The following DNAH9 variants were observed in gnomAD, a reference collection of about 807,000 sequenced individuals.
DNAH9 encodes dynein axonemal heavy chain 9, also known as DNAH9 variant protein.
In DNAH9, 345 loss-of-function variants were observed where a neutral mutation model predicts 471.6. The observed-to-expected ratio is 0.73, with a 90% CI of 0.67 to 0.80. The LOEUF is 0.80. Among genes scored for constraint, DNAH9 ranks in the 30% least tolerant of loss-of-function variants. The pLI is 0.00. For synonymous variants in DNAH9, 2,093 were observed against 2,123.6 expected, an observed-to-expected ratio of 0.99 and a Z score of 0.40; for missense variants, 5,407 against 5,609.2, an observed-to-expected ratio of 0.96 and a Z score of 1.15.
chr17:11,750,735 T>A (rs1468292469), intron 32 of DNAH9, among the ~76,000 whole-genome samples: 1 of 152,156 alleles, frequency 6.6e-6, no homozygotes, highest in Non-Finnish European at 1.5e-5. Context: ...AAAAAATACT[T>A]CATACAAGAA....
intron 38 of DNAH9, among the ~76,000 whole-genome samples, chr17:11,772,175 TTTAA>T (rs1968232968): frequency 6.6e-6 from 1 of 152,026 alleles, no homozygotes; most frequent in Admixed American, 6.6e-5. Context: ...TGTTTTTGTA[TTTAA>T]TTGATTTTCT....
At chr17:11,725,976 A>G (rs187296029) in intron 27 of DNAH9, among the ~76,000 whole-genome samples, 13 of 152,262 alleles carry the variant, frequency 8.5e-5, no homozygotes, top group African/African-American at 3.1e-4. Context: ...TCTGCTGCAA[A>G]CCTCCAAAGA....
rs1973072452 is a variant in DNAH9 at position 11,892,130 on chromosome 17, A to G, written c.11283+183A>G. Among the ~76,000 whole-genome samples, 1 of 152,166 alleles carries G rather than the reference A, an allele frequency of 6.6e-6. No individual in the cohort carries two copies. Among genetic ancestry groups the G allele is most frequent in the Admixed American group, 6.5e-5 (1 of 15,278 alleles). On this transcript the variant is annotated intron_variant, in intron 58 of 68. Transcript: ENST00000262442. This position sits in a 1 kb window ranked among gnomAD's most constrained non-coding sequence, Gnocchi z 4.3. ...TGTGCATCTGCCCCCACCATTTCCC[A>G]CTTATGGCAGACATACTTAATCCAT...
At chr17:11,691,615 A>G (rs937152327) in intron 20 of DNAH9, among the ~76,000 whole-genome samples, 3 of 152,214 alleles carry the variant, frequency 2.0e-5, no homozygotes, top group Non-Finnish European at 2.9e-5. Flanking sequence ...ACTTTGGTTC[A>G]TGTATATACA....
chr17:11,747,463 T>C lies in DNAH9; in HGVS notation c.6400-93T>C, dbSNP rs142081506. ...ACTCTTCCTCTGTTGACTTCAGGTCTCACTTCAGACACCAGCTGGGGTCAC... is the reference window on the plus strand; with the variant it reads ...ACTCTTCCTCTGTTGACTTCAGGTCCCACTTCAGACACCAGCTGGGGTCAC... On this transcript the variant is annotated intron_variant, in intron 31 of 68. Transcript: ENST00000262442. 3.4e-5 allele frequency: 33 copies of C among 968,526 alleles called. No individual in the cohort carries two copies. The African/African-American group carries it at 5.3e-4, about 16-fold the overall frequency. The allele number at this position is 968,526 out of a possible 1,614,324, so 60.0% of individuals were successfully genotyped here. A position where few individuals can be genotyped will look rare whatever the true frequency, so the allele number is the denominator to read the frequency against.
In DNAH9 at chr17:11,913,409, A is replaced by G. The variant is rs149257551; in HGVS notation, c.11749+7600A>G. On this transcript the variant is annotated intron_variant, in intron 61 of 68. Coordinates refer to ENST00000262442, the MANE Select transcript of DNAH9 (RefSeq NM_001372.4). ...CATCTAAGTTATATAACTTGTTGAT[A>G]AACACCTCCTTAATTTTGATATCTA... Among the ~76,000 whole-genome samples the G allele has an allele frequency of 4.5e-3, 685 of 152,268 alleles. 3 individuals carry two copies. The highest frequency in any genetic ancestry group is 0.015 in the African/African-American group (642 of 41,548).
At chr17:11,742,417 A>C in intron 30 of DNAH9, 104 bp downstream of exon 30, 554 of 1,180,226 alleles carry the variant, frequency 4.7e-4, no homozygotes, top group Non-Finnish European at 6.3e-4. Flanking sequence ...AAGCTTTCTC[A>C]TAGAAAGTCA....
At position 11,887,008 on chromosome 17, in the gene DNAH9, G is replaced by A. The variant is rs765049469; in HGVS notation, c.11112+43G>A. 5.1e-6 allele frequency: 8 copies of A among 1,576,486 alleles called. No homozygotes were observed. In the Admixed American group the frequency reaches 8.9e-5, roughly 18 times the overall value. ...TTTCTTGCCTGATTATAATAAAGCAGTGTAATATTGCCAATGCAGCTCTCT... is the reference window on the plus strand; with the variant it reads ...TTTCTTGCCTGATTATAATAAAGCAATGTAATATTGCCAATGCAGCTCTCT... On this transcript the variant is annotated intron_variant, in intron 57 of 68. Transcript: ENST00000262442.
chr17:11,707,912 C>T (rs1196394641), intron 26 of DNAH9, among the ~76,000 whole-genome samples: 1 of 151,164 alleles, frequency 6.6e-6, no homozygotes, highest in East Asian at 1.9e-4. Flanking sequence ...ACTCTCTGTC[C>T]TCAGAGGCCT....
At chr17:11,832,982 A>G (rs1970726380) in intron 48 of DNAH9, among the ~76,000 whole-genome samples, 1 of 152,224 alleles carries the variant, frequency 6.6e-6, no homozygotes. Flanking sequence ...GTCACCGTTA[A>G]AACAGATTGC....
At position 11,606,450 on chromosome 17, in the gene DNAH9, T is replaced by TTC. The variant is rs1555548467; in HGVS notation, c.418-1678_418-1677insCT. Among the ~76,000 whole-genome samples the TTC allele has an allele frequency of 6.5e-5, 7 of 107,622 alleles. 1 individual carries two copies. The highest frequency in any genetic ancestry group is 2.4e-4 in the African/African-American group (7 of 28,794). The allele number at this position is 107,622 out of a possible 152,430, so 70.6% of individuals were successfully genotyped here. Reference sequence around the variant, plus strand: ...CTTTCTTTCTTTTCTTTTCTTTTCTTTTCTTTTTTTTTTTTTTGAGACAGA... The same window carrying TTC: ...CTTTCTTTCTTTTCTTTTCTTTTCTTTCTTCTTTTTTTTTTTTTTGAGACAGA... On this transcript the variant is annotated intron_variant, in intron 1 of 68. Coordinates refer to ENST00000262442, the MANE Select transcript of DNAH9 (RefSeq NM_001372.4).
chr17:11,913,781 CAAA>C (rs202156734), intron 61 of DNAH9, among the ~76,000 whole-genome samples: 4 of 110,382 alleles, frequency 3.6e-5, no homozygotes, highest in Non-Finnish European at 1.9e-5. Context: ...GACCCCGTCT[CAAA>C]AAAAAAAAAA....
At chr17:11,825,270 T>A (rs1179886031) in intron 48 of DNAH9, among the ~76,000 whole-genome samples, 4 of 152,198 alleles carry the variant, frequency 2.6e-5, no homozygotes. Context: ...AATCTCAGAA[T>A]GCAGTACTAC....
intron 49 of DNAH9, among the ~76,000 whole-genome samples, chr17:11,848,843 CTT>C (rs928462507): frequency 1.4e-5 from 2 of 146,576 alleles, no homozygotes; most frequent in African/African-American, 2.5e-5. Flanking sequence ...TCTCACACCT[CTT>C]TTTTTTTTTG....
At chr17:11,707,991 AC>A (rs2074741202) in intron 26 of DNAH9, among the ~76,000 whole-genome samples, 1 of 74,988 alleles carries the variant, frequency 1.3e-5, no homozygotes, top group Non-Finnish European at 3.5e-5. Flanking sequence ...ACACACACAC[AC>A]ACACACACAC....
intron 10 of DNAH9, among the ~76,000 whole-genome samples, chr17:11,644,354 T>C (rs192964337): frequency 5.8e-4 from 88 of 152,262 alleles, no homozygotes; most frequent in Middle Eastern, 6.8e-3. Context: ...ATACCTTGTG[T>C]GTGACTGGCT....
chr17:11,874,969 A>C lies in DNAH9; in HGVS notation c.10263A>C (p.Pro3421=). The change falls in exon 53 of 69, where the codon CCA becomes CCC. Residue 3421 remains proline (P), a synonymous_variant. Coordinates refer to ENST00000262442, the MANE Select transcript of DNAH9 (RefSeq NM_001372.4). ...ACCAGACTCCCATTCCAGTCACCCC[A>C]GCCCTGGATCCCCTGAGGATGCTGA... ...SQLKTPIPVT[P]ALDPLRMLMD... The C allele has an allele frequency of 1.9e-6, 3 of 1,613,978 alleles. No individual in the cohort carries two copies. The highest frequency in any genetic ancestry group is 2.5e-6 in the Non-Finnish European group (3 of 1,179,942).
At chr17:11,667,223 A>T (rs2073888180) in intron 15 of DNAH9, among the ~76,000 whole-genome samples, 1 of 152,218 alleles carries the variant, frequency 6.6e-6, no homozygotes, top group South Asian at 2.1e-4. Flanking sequence ...ATGTATATTA[A>T]TGCAGAATAT....
At chr17:11,653,273 GA>G (rs1168327176) in intron 14 of DNAH9, among the ~76,000 whole-genome samples, 1 of 152,112 alleles carries the variant, frequency 6.6e-6, no homozygotes, top group Non-Finnish European at 1.5e-5. Context: ...ACCCCCAAGG[GA>G]ACAGAAGAAG....
Sources: gnomAD v4.1 joint callset for allele counts (sites outside exome capture counted in the v4.1 genomes callset) on GRCh38, gnomAD v4.1.1 for gene constraint, Gnocchi (gnomAD v3.1) non-coding constraint, MANE v1.5 for transcripts, NCBI Gene and HGNC (gene_info 2026-07-23, HGNC 2026-07-21) for gene names.